Variants in RABGEF1 observed in about 807,000 individuals in gnomAD.
RABGEF1 encodes the protein RAB guanine nucleotide exchange factor 1, also known as rab5 GDP/GTP exchange factor.
Under a neutral mutation model 57.3 loss-of-function variants are expected in RABGEF1, and 26 were observed. The ratio of observed to expected loss-of-function variants is 0.45; its 90% CI spans 0.33 to 0.63. The LOEUF (loss-of-function observed/expected upper bound fraction) is 0.63. RABGEF1 is among the 20% of genes least tolerant of loss of function. The pLI, the probability that RABGEF1 is intolerant of heterozygous loss-of-function variation, is 0.02. For synonymous variants in RABGEF1, 185 were observed against 210.7 expected, an observed-to-expected ratio of 0.88 and a Z score of 1.06; for missense variants, 464 against 607.6, an observed-to-expected ratio of 0.76 and a Z score of 2.48.
rs534592980 is a variant in RABGEF1, at chr7:66,810,791, A to G, written c.*1507A>G. On this transcript the variant is annotated 3_prime_UTR_variant, in exon 9 of 9. Coordinates refer to ENST00000284957, the MANE Select transcript of RABGEF1 (RefSeq NM_014504.3). ...AGAAAGGTTCTCTTGCTTTTCCAGT[A>G]TCTTCCTAAGGATGGAGCCCAAAAT... 2.6e-5 allele frequency: 4 copies of G among 152,372 alleles called. No individual in the cohort carries two copies. The highest frequency in any genetic ancestry group is 6.5e-5 in the Admixed American group (1 of 15,306). The allele number at this position is 152,372 out of a possible 1,614,324, so 9.4% of individuals were successfully genotyped here.
chr7:66,665,680 G>C, the RABGEF1 span, among the ~76,000 whole-genome samples: 1 of 152,108 alleles, frequency 6.6e-6, no homozygotes, highest in East Asian at 1.9e-4. Context: ...GGCAAATGTC[G>C]GTCCCTTTCC....
At chr7:66,679,455 T>C (rs1348893094), upstream of RABGEF1, among the ~76,000 whole-genome samples, 4 of 152,190 alleles carry the variant, frequency 2.6e-5, no homozygotes, top group African/African-American at 7.2e-5. Context: ...ACTACAGGTA[T>C]AGGCCACCAC....
Position 66,775,448 on chromosome 7 carries a change from A to C in RABGEF1, c.346+55A>C, listed in dbSNP as rs1300199862. The C allele has an allele frequency of 1.9e-6, 3 of 1,582,354 alleles. No homozygotes were observed. In the East Asian group the frequency reaches 6.7e-5, roughly 36 times the overall value. ...TCTGCCTGAGTGAGACACAGAGGAG[A>C]TCCCCAATGCTCATAAGCTCAGCTT... On this transcript the variant is annotated intron_variant, in intron 3 of 8. Transcript: ENST00000284957.
chr7:66,743,895 T>C (rs1799577256), intron 1 of RABGEF1, among the ~76,000 whole-genome samples: 1 of 152,056 alleles, frequency 6.6e-6, no homozygotes, highest in Admixed American at 6.6e-5. Context: ...CCTCCCAAAG[T>C]GTTGGGATTA....
Position 66,811,186 on chromosome 7 carries a change from C to T in RABGEF1, c.*1902C>T, listed in dbSNP as rs1255993747. The T allele has an allele frequency of 6.6e-6, 1 of 152,124 alleles. No individual in the cohort carries two copies. Among genetic ancestry groups the T allele is most frequent in the Non-Finnish European group, 1.5e-5 (1 of 68,036 alleles). 9.4% of individuals were successfully genotyped at this position (152,124 alleles called of 1,614,324 possible). ...GTTCAATAAACTGCATATCAACTTCCCACAAAAGCTGACTTTTTTGGGTCT... is the reference window on the plus strand; with the variant it reads ...GTTCAATAAACTGCATATCAACTTCTCACAAAAGCTGACTTTTTTGGGTCT... On this transcript the variant is annotated 3_prime_UTR_variant, in exon 9 of 9. Transcript: ENST00000284957.
At chr7:66,773,880 G>A in intron 2 of RABGEF1, 2 of 414,538 alleles carry the variant, frequency 4.8e-6, no homozygotes, top group South Asian at 3.5e-5. Flanking sequence ...TGCCCAGGCT[G>A]GTCTCAAATT....
rs1795332564 is a variant in RABGEF1 at position 66,715,855 on chromosome 7, G to GC, written c.-815+3631_-815+3632insC. Reference sequence around the variant, plus strand: ...TACAGTCTCCAACTCCTGGGTTCAGGTGCTCCTTGTGCCTCCGCCTCCTGA... The same window carrying GC: ...TACAGTCTCCAACTCCTGGGTTCAGGCTGCTCCTTGTGCCTCCGCCTCCTGA... On this transcript the variant is annotated intron_variant and NMD_transcript_variant, in intron 2 of 9. Coordinates refer to the RABGEF1 transcript ENST00000607882. 2.0e-5 allele frequency among the ~76,000 whole-genome samples: 3 copies of GC among 152,112 alleles called. No individual in the cohort carries two copies. In the South Asian group the frequency reaches 6.2e-4, roughly 31 times the overall value.
At chr7:66,775,172 T>C (rs1310980398) in intron 2 of RABGEF1, 55 bp from the exon 3 acceptor site, 2 of 1,543,062 alleles carry the variant, frequency 1.3e-6, no homozygotes, top group South Asian at 1.2e-5. Flanking sequence ...AACCTTCACA[T>C]ACAGAGAAAC....
intron 3 of RABGEF1, among the ~76,000 whole-genome samples, chr7:66,780,739 TA>T (rs1809697435): frequency 6.6e-6 from 1 of 152,226 alleles, no homozygotes; most frequent in African/African-American, 2.4e-5. Context: ...TATATATATT[TA>T]GGGTTGCTGT....
intron 1 of RABGEF1, among the ~76,000 whole-genome samples, chr7:66,688,795 A>G (rs1265173634): frequency 1.3e-5 from 2 of 152,184 alleles, no homozygotes; most frequent in African/African-American, 2.4e-5. Context: ...GTAAGCATCT[A>G]CCTTTAAAAA....
intron 1 of RABGEF1, among the ~76,000 whole-genome samples, chr7:66,761,649 C>A (rs1459395585): frequency 6.6e-6 from 1 of 152,188 alleles, no homozygotes; most frequent in Non-Finnish European, 1.5e-5. Flanking sequence ...TGGACCCTCT[C>A]TGGGGAGGGT....
At chr7:66,757,316 G>A (rs1378418913) in intron 1 of RABGEF1, among the ~76,000 whole-genome samples, 1 of 152,236 alleles carries the variant, frequency 6.6e-6, no homozygotes, top group East Asian at 1.9e-4. Flanking sequence ...CAGATTTCAT[G>A]TACCTATCTA....
In RABGEF1 at chr7:66,710,856, T is replaced by G. The variant is rs531044062; in HGVS notation, c.-872-1311T>G. ...TGGTTCATACCTGTAATCGCACCATTTTGGGAGGCCAAGACAGGAGGATCA... is the reference window on the plus strand; with the variant it reads ...TGGTTCATACCTGTAATCGCACCATGTTGGGAGGCCAAGACAGGAGGATCA... On this transcript the variant is annotated intron_variant and NMD_transcript_variant, in intron 1 of 9. Coordinates refer to the RABGEF1 transcript ENST00000607882. Among the ~76,000 whole-genome samples, 66 of 152,106 alleles carry G rather than the reference T, an allele frequency of 4.3e-4. No homozygotes were observed. The South Asian group carries it at 0.013, about 30-fold the overall frequency.
At chr7:66,803,016 AAATCTTACCC>A (rs1220977538) in intron 7 of RABGEF1, among the ~76,000 whole-genome samples, 1 of 152,258 alleles carries the variant, frequency 6.6e-6, no homozygotes, top group Non-Finnish European at 1.5e-5. Flanking sequence ...TGGCTTTAAA[AAATCTTACCC>A]AATCTTACCC....
the RABGEF1 span, among the ~76,000 whole-genome samples, chr7:66,670,512 T>C: frequency 1.4e-5 from 2 of 138,674 alleles, no homozygotes; most frequent in Non-Finnish European, 3.0e-5. Flanking sequence ...TAACACACAC[T>C]GGCTGGATGA....
chr7:66,654,613 A>G, the RABGEF1 span: 1 of 151,280 alleles, frequency 6.6e-6, no homozygotes, highest in Non-Finnish European at 1.5e-5. Flanking sequence ...GATGTCGGCG[A>G]AGCCGCGGGC....
chr7:66,755,357 C>G (rs1802456332), intron 1 of RABGEF1, among the ~76,000 whole-genome samples: 1 of 152,086 alleles, frequency 6.6e-6, no homozygotes, highest in South Asian at 2.1e-4. Context: ...CACCTGTAGT[C>G]CCAGCTACTT....
intron 1 of RABGEF1, among the ~76,000 whole-genome samples, chr7:66,753,701 GTTTTTTTT>G (rs1224800315): frequency 6.3e-5 from 5 of 78,772 alleles, no homozygotes; most frequent in East Asian, 9.9e-4. Flanking sequence ...TTTTGCCATC[GTTTTTTTT>G]TTTTTTTTTT....
At chr7:66,706,390 G>T (rs2707828) in intron 1 of RABGEF1, among the ~76,000 whole-genome samples, 1 of 151,902 alleles carries the variant, frequency 6.6e-6, no homozygotes, top group Non-Finnish European at 1.5e-5. Flanking sequence ...TTAAAAACCC[G>T]CCAAACTGTT....
Sources: allele counts gnomAD v4.1 joint callset (sites outside exome capture counted in the v4.1 genomes callset), GRCh38; gene constraint gnomAD v4.1.1; transcripts MANE v1.5; gene names NCBI Gene and HGNC (gene_info 2026-07-23, HGNC 2026-07-21).